BAALC: variants seen among roughly 807,000 people sequenced by gnomAD.
BAALC encodes the protein brain and acute leukemia cytoplasmic protein.
In BAALC, 9 loss-of-function variants were observed where a neutral mutation model predicts 15.5. The observed-to-expected ratio is 0.58, with a 90% CI of 0.35 to 1.02. BAALC has a LOEUF of 1.02. BAALC is among the 50% of genes least tolerant of loss of function. The probability of loss-of-function intolerance (pLI) is 0.02; values close to 1 mark genes in which losing one functional copy is unlikely to be tolerated. For missense variants in BAALC, 201 were observed against 192.4 expected (o/e 1.04, Z -0.27); for synonymous variants, 80 against 74.6 (o/e 1.07, Z -0.37).
chr8:103,151,452 C>G (rs1810984275), intron 1 of BAALC, among the ~76,000 whole-genome samples: 1 of 152,162 alleles, frequency 6.6e-6, no homozygotes, highest in African/African-American at 2.4e-5. Flanking sequence ...GTACAAAGGG[C>G]TTAGTGTTTC....
At chr8:103,207,642 A>G (rs1812360966) in intron 1 of BAALC, among the ~76,000 whole-genome samples, 1 of 152,140 alleles carries the variant, frequency 6.6e-6, no homozygotes, top group African/African-American at 2.4e-5. Context: ...CCCTACTTTT[A>G]GGCAAATGGC....
At position 103,230,048 on chromosome 8, in the gene BAALC, TAAGA is replaced by T. The variant is rs1812894163; in HGVS notation, c.*1953_*1956del. On this transcript the variant is annotated 3_prime_UTR_variant, in exon 3 of 3. Coordinates refer to ENST00000309982, the MANE Select transcript of BAALC (RefSeq NM_024812.3). ...GCATGTTGTTTGGAATTTATCACCTTAAGAAAGTGTCTCTGTTTTATATAGAAAC... is the reference window on the plus strand; with the variant it reads ...GCATGTTGTTTGGAATTTATCACCTTAAGTGTCTCTGTTTTATATAGAAAC... 1 of 152,172 alleles carries T rather than the reference TAAGA, an allele frequency of 6.6e-6. No homozygotes were observed. Among genetic ancestry groups the T allele is most frequent in the African/African-American group, 2.4e-5 (1 of 41,438 alleles). 9.4% of individuals were successfully genotyped at this position (152,172 alleles called of 1,614,324 possible). A position where few individuals can be genotyped will look rare whatever the true frequency, so the allele number is the denominator to read the frequency against.
chr8:103,148,367 C>G (rs1563633466), intron 1 of BAALC, among the ~76,000 whole-genome samples: 1 of 152,142 alleles, frequency 6.6e-6, no homozygotes, highest in East Asian at 1.9e-4. Flanking sequence ...GGAACCAACC[C>G]TGCTGATATC....
intron 1 of BAALC, among the ~76,000 whole-genome samples, chr8:103,210,705 T>C (rs1812430659): frequency 1.3e-5 from 2 of 152,246 alleles, no homozygotes; most frequent in Non-Finnish European, 2.9e-5. Context: ...ATATAAATAA[T>C]ATAACATCTT....
intron 1 of BAALC, among the ~76,000 whole-genome samples, chr8:103,177,190 TTTG>T (rs1811625250): frequency 4.3e-5 from 4 of 93,326 alleles, no homozygotes; most frequent in Admixed American, 3.8e-4. Flanking sequence ...TTGTTGTTGT[TTTG>T]TTTTTTTTTT....
chr8:103,195,940 A>T (rs1218712811), intron 1 of BAALC, among the ~76,000 whole-genome samples: 4 of 152,250 alleles, frequency 2.6e-5, no homozygotes, highest in African/African-American at 7.2e-5. Flanking sequence ...GCACTACTGC[A>T]GGAGTGCAGG....
intron 2 of BAALC, among the ~76,000 whole-genome samples, chr8:103,217,190 G>A (rs2130077921): frequency 6.6e-6 from 1 of 152,304 alleles, no homozygotes; most frequent in African/African-American, 2.4e-5. Context: ...ATAAGATCAG[G>A]GAGCTGATAA....
At chr8:103,169,734 C>T (rs895300217) in intron 1 of BAALC, among the ~76,000 whole-genome samples, 1 of 152,158 alleles carries the variant, frequency 6.6e-6, no homozygotes, top group African/African-American at 2.4e-5. Flanking sequence ...GCACAATAGC[C>T]CCGACCTCAA....
At chr8:103,227,134 T>C (rs1206738925) in intron 2 of BAALC, among the ~76,000 whole-genome samples, 5 of 152,222 alleles carry the variant, frequency 3.3e-5, no homozygotes, top group African/African-American at 1.2e-4. Context: ...AGGAAGCATA[T>C]GTGCATGCGT....
chr8:103,211,449 G>A (rs147814831), intron 1 of BAALC, among the ~76,000 whole-genome samples: 20 of 152,082 alleles, frequency 1.3e-4, no homozygotes, highest in South Asian at 4.2e-4. Context: ...TGGGTAACTC[G>A]TCCTCATTTT....
At chr8:103,187,314 G>T (rs1811862212) in intron 1 of BAALC, among the ~76,000 whole-genome samples, 1 of 152,176 alleles carries the variant, frequency 6.6e-6, no homozygotes, top group Admixed American at 6.5e-5. Flanking sequence ...GACATTTTGG[G>T]TTGTTATAAT....
chr8:103,215,338 A>T (rs1213118194), intron 2 of BAALC, among the ~76,000 whole-genome samples: 3 of 152,220 alleles, frequency 2.0e-5, no homozygotes, highest in African/African-American at 7.2e-5. Flanking sequence ...GTAGAAGGAT[A>T]TTGGTAGCTT....
chr8:103,208,437 GA>G, intron 1 of BAALC: 1 of 152,358 alleles, frequency 6.6e-6, no homozygotes, highest in Non-Finnish European at 1.5e-5. Context: ...CCGGGGATAG[GA>G]GGAGCTGCTG....
chr8:103,155,805 A>G (rs1279940827), intron 1 of BAALC, among the ~76,000 whole-genome samples: 2 of 152,190 alleles, frequency 1.3e-5, no homozygotes, highest in Admixed American at 6.5e-5. Flanking sequence ...CAGTGTCTCC[A>G]TGTTCTCTAG....
At chr8:103,186,729 G>C (rs1392597404) in intron 1 of BAALC, among the ~76,000 whole-genome samples, 1 of 152,162 alleles carries the variant, frequency 6.6e-6, no homozygotes, top group Admixed American at 6.6e-5. Flanking sequence ...AGAAAGCACT[G>C]AGTTTAAACA....
At chr8:103,201,039 C>T (rs1004977441) in intron 1 of BAALC, among the ~76,000 whole-genome samples, 12 of 151,994 alleles carry the variant, frequency 7.9e-5, no homozygotes, top group Non-Finnish European at 1.6e-4. Context: ...GTACTAGGTA[C>T]CTTTGGAGCA....
chr8:103,194,006 C>A (rs1315134442), intron 1 of BAALC, among the ~76,000 whole-genome samples: 2 of 152,302 alleles, frequency 1.3e-5, no homozygotes, highest in East Asian at 3.9e-4. Context: ...AAAGAAAAAG[C>A]AGCTCAAATC....
In BAALC at chr8:103,188,391, G is replaced by A. The variant is rs73282154; in HGVS notation, c.161-24528G>A. On this transcript the variant is annotated intron_variant, in intron 1 of 2. Coordinates refer to ENST00000309982, the MANE Select transcript of BAALC (RefSeq NM_024812.3). ...GCCCTTGGTCACGGACTCTGACCCC[G>A]CACAGTCTGAAAGTGGGGATGGGGT... is the stretch of plus-strand genomic sequence containing the variant. 3.3e-3 allele frequency among the ~76,000 whole-genome samples: 504 copies of A among 152,208 alleles called. 1 individual carries two copies. Among genetic ancestry groups the A allele is most frequent in the African/African-American group, 0.011 (469 of 41,516 alleles).
At chr8:103,206,268 C>G (rs923787608) in intron 1 of BAALC, among the ~76,000 whole-genome samples, 4 of 152,138 alleles carry the variant, frequency 2.6e-5, no homozygotes, top group Non-Finnish European at 5.9e-5. Flanking sequence ...AGAACCCTGA[C>G]TGATACAGCA....
Sources: gnomAD v4.1 joint callset for allele counts (sites outside exome capture counted in the v4.1 genomes callset) on GRCh38, gnomAD v4.1.1 for gene constraint, MANE v1.5 for transcripts, NCBI Gene and HGNC (gene_info 2026-07-23, HGNC 2026-07-21) for gene names.